CACNA2D3: variants seen among roughly 807,000 people sequenced by gnomAD.
CACNA2D3 encodes calcium voltage-gated channel auxiliary subunit alpha2delta 3, also known as voltage-dependent calcium channel subunit alpha-2/delta-3.
Under a neutral mutation model 160.6 loss-of-function variants are expected in CACNA2D3, and 60 were observed. That is an observed-to-expected ratio of 0.37 (90% confidence interval 0.30 to 0.46). The LOEUF is 0.46. Among genes scored for constraint, CACNA2D3 ranks in the 20% least tolerant of loss-of-function variants. The pLI, the probability that CACNA2D3 is intolerant of heterozygous loss-of-function variation, is 1.00. For missense variants in CACNA2D3, 1,205 were observed against 1,365.0 expected (o/e 0.88, Z 1.85); for synonymous variants, 558 against 492.9 (o/e 1.13, Z -1.75).
chr3:54,464,882 C>T (rs1025419533), intron 4 of CACNA2D3, among the ~76,000 whole-genome samples: 1 of 152,222 alleles, frequency 6.6e-6, no homozygotes, highest in African/African-American at 2.4e-5. Context: ...ACGCTGGGAG[C>T]TGTAGACCGG....
Position 54,515,197 on chromosome 3 carries a change from T to A in CACNA2D3, c.544+11543T>A, listed in dbSNP as rs112609652. On this transcript the variant is annotated intron_variant, in intron 5 of 37. Transcript: ENST00000474759. ...GTCTGTGTGTGTGTGTGTGTGTGTG[T>A]GTGAGAGAGAGAGAGAGAGAGAGAA... Among the ~76,000 whole-genome samples, 361 of 137,758 alleles carry A rather than the reference T, an allele frequency of 2.6e-3. 3 individuals carry two copies. Among genetic ancestry groups the A allele is most frequent in the African/African-American group, 0.01 (332 of 32,746 alleles). The allele number at this position is 137,758 out of a possible 152,430, so 90.4% of individuals were successfully genotyped here. A position where few individuals can be genotyped will look rare whatever the true frequency, so the allele number is the denominator to read the frequency against.
intron 18 of CACNA2D3, 62 bp from the exon 19 acceptor site, chr3:54,878,956 A>G: frequency 5.8e-6 from 6 of 1,028,680 alleles, no homozygotes; most frequent in East Asian, 2.5e-5. Context: ...TGAGGATGCA[A>G]GATGTCCAGA....
intron 5 of CACNA2D3, among the ~76,000 whole-genome samples, chr3:54,541,358 G>A (rs965334619): frequency 1.3e-5 from 2 of 151,624 alleles, no homozygotes; most frequent in African/African-American, 4.8e-5. Flanking sequence ...AGAGAAGATG[G>A]TCATATAAAG....
At chr3:54,351,166 G>A (rs1474940735) in intron 3 of CACNA2D3, among the ~76,000 whole-genome samples, 1 of 151,524 alleles carries the variant, frequency 6.6e-6, no homozygotes, top group African/African-American at 2.4e-5. Context: ...ACTTTTACTA[G>A]AGAGGGGGTT....
intron 2 of CACNA2D3, among the ~76,000 whole-genome samples, chr3:54,138,374 G>A (rs1414291079): frequency 6.6e-6 from 1 of 152,200 alleles, no homozygotes; most frequent in Non-Finnish European, 1.5e-5. Context: ...ATTGGAAGAG[G>A]GCAGTCTGTG....
rs781108829 is a variant in CACNA2D3, at chr3:54,467,110, C to A, written c.382-36382C>A. Among the ~76,000 whole-genome samples the A allele has an allele frequency of 2.0e-5, 3 of 151,968 alleles. No individual in the cohort carries two copies. In the South Asian group the frequency reaches 6.2e-4, roughly 32 times the overall value. On this transcript the variant is annotated intron_variant, in intron 4 of 37. Transcript: ENST00000474759. ...GATTTTTTCCATATCAGACAAACAA[C>A]AATAGGGGTCCTGGCTGGCAAAAGG...
rs116505621 is a variant in CACNA2D3 at position 54,840,312 on chromosome 3, G to A, written c.1551+1664G>A. On this transcript the variant is annotated intron_variant, in intron 16 of 37. Coordinates refer to ENST00000474759, the MANE Select transcript of CACNA2D3 (RefSeq NM_018398.3). ...ATCTCGCTTACTAAGTAAACATTAC[G>A]GTCACCCCCATTTTATAGTTAAAGA... Among the ~76,000 whole-genome samples the A allele has an allele frequency of 3.8e-3, 572 of 151,724 alleles. 4 individuals are homozygous for A. The highest frequency in any genetic ancestry group is 0.012 in the African/African-American group (500 of 41,318).
At chr3:55,051,347 G>C (rs536885220) in intron 35 of CACNA2D3, among the ~76,000 whole-genome samples, 2 of 151,616 alleles carry the variant, frequency 1.3e-5, no homozygotes, top group Non-Finnish European at 2.9e-5. Flanking sequence ...CTGCAGGTCT[G>C]TTGGAATACC....
At chr3:55,066,524 G>A (rs1575460301) in intron 35 of CACNA2D3, among the ~76,000 whole-genome samples, 1 of 152,240 alleles carries the variant, frequency 6.6e-6, no homozygotes, top group East Asian at 1.9e-4. Flanking sequence ...TGTTTGGAGG[G>A]AGTATGAGGG....
intron 5 of CACNA2D3, among the ~76,000 whole-genome samples, chr3:54,534,355 A>T (rs1701853460): frequency 6.6e-6 from 1 of 152,142 alleles, no homozygotes; most frequent in African/African-American, 2.4e-5. Flanking sequence ...ATTGCATCAC[A>T]TCTCCACTCA....
chr3:54,726,601 A>G (rs1009463370), intron 11 of CACNA2D3, among the ~76,000 whole-genome samples: 3 of 152,222 alleles, frequency 2.0e-5, no homozygotes, highest in South Asian at 4.1e-4. Flanking sequence ...GGCCTCGGAA[A>G]TAACACCACA....
At chr3:54,436,776 T>C (rs1039808581) in intron 4 of CACNA2D3, among the ~76,000 whole-genome samples, 1 of 152,020 alleles carries the variant, frequency 6.6e-6, no homozygotes, top group Admixed American at 6.6e-5. Context: ...CTGGGGCCTG[T>C]CGGGGGTGGG....
intron 21 of CACNA2D3, among the ~76,000 whole-genome samples, chr3:54,883,839 A>C (rs1228984324): frequency 2.9e-4 from 17 of 58,116 alleles, no homozygotes; most frequent in Admixed American, 1.3e-3. Flanking sequence ...TCTCCCTTCA[A>C]CCCTCCTTAT....
At chr3:54,368,996 C>T (rs964786988) in intron 3 of CACNA2D3, among the ~76,000 whole-genome samples, 5 of 151,872 alleles carry the variant, frequency 3.3e-5, no homozygotes, top group Admixed American at 2.6e-4. Context: ...CCACTGCGTC[C>T]GGCCGGCAGT....
At chr3:55,013,757 G>C (rs998785065) in intron 34 of CACNA2D3, among the ~76,000 whole-genome samples, 3 of 152,134 alleles carry the variant, frequency 2.0e-5, no homozygotes, top group African/African-American at 7.2e-5. Flanking sequence ...AACAGAGCTT[G>C]CTGGCACCCG....
intron 2 of CACNA2D3, among the ~76,000 whole-genome samples, chr3:54,199,936 A>G (rs895189517): frequency 4.6e-5 from 7 of 152,240 alleles, no homozygotes; most frequent in African/African-American, 1.4e-4. Context: ...TTTAGTAAAT[A>G]AAGTTTTATT....
In CACNA2D3 at chr3:54,403,212, G is replaced by T. The variant is rs568844192; in HGVS notation, c.381+16438G>T. On this transcript the variant is annotated intron_variant, in intron 4 of 37. Transcript: ENST00000474759. ...CTGCAAAAAATAAAAAAAAGTAGCC[G>T]GTCTTGGTGGCACGTACCTGTAGTT... Among the ~76,000 whole-genome samples, 245 of 152,018 alleles carry T rather than the reference G, an allele frequency of 1.6e-3. 1 individual carries two copies. Among genetic ancestry groups the T allele is most frequent in the Non-Finnish European group, 3.1e-3 (211 of 67,946 alleles).
At chr3:54,238,062 G>A (rs1021395455) in intron 2 of CACNA2D3, among the ~76,000 whole-genome samples, 12 of 152,118 alleles carry the variant, frequency 7.9e-5, no homozygotes, top group African/African-American at 2.9e-4. Flanking sequence ...GTGTTCTGAG[G>A]TGCCTACTTG....
rs148672856 is a variant in CACNA2D3 at position 55,029,461 on chromosome 3, C to T, written c.2987+11144C>T. Among the ~76,000 whole-genome samples, 429 of 152,302 alleles carry T rather than the reference C, an allele frequency of 2.8e-3. 2 individuals carry two copies. The highest frequency in any genetic ancestry group is 4.7e-3 in the Non-Finnish European group (320 of 68,026). On this transcript the variant is annotated intron_variant, in intron 35 of 37. Coordinates refer to ENST00000474759, the MANE Select transcript of CACNA2D3 (RefSeq NM_018398.3). ...AGACATTTTTATGGAGCACAGTCCA[C>T]AAACCCATCTGTGTTGACAGGGATG...
Sources: allele counts gnomAD v4.1 joint callset (sites outside exome capture counted in the v4.1 genomes callset), GRCh38; gene constraint gnomAD v4.1.1; transcripts MANE v1.5; gene names NCBI Gene and HGNC (gene_info 2026-07-23, HGNC 2026-07-21).